The following RALYL variants were observed in gnomAD, a reference collection of about 807,000 sequenced individuals.
RALYL encodes the protein RALY RNA binding protein like.
Under a neutral mutation model 35.1 loss-of-function variants are expected in RALYL, and 29 were observed. The observed-to-expected ratio is 0.83, with a 90% CI of 0.61 to 1.13. The LOEUF (loss-of-function observed/expected upper bound fraction) is 1.13. RALYL is among the 50% of genes most tolerant of loss of function. The pLI is 0.00. For missense variants in RALYL, 359 were observed against 360.4 expected, an observed-to-expected ratio of 1.00 and a Z score of 0.03; for synonymous variants, 120 against 127.6, an observed-to-expected ratio of 0.94 and a Z score of 0.40.
chr8:84,287,541 G>A (rs1837886236), intron 1 of RALYL, among the ~76,000 whole-genome samples: 2 of 152,114 alleles, frequency 1.3e-5, no homozygotes, highest in Non-Finnish European at 2.9e-5. Context: ...TTTGTTACAT[G>A]AGAATCGAAA....
chr8:84,215,538 G>GT (rs35692746), intron 1 of RALYL, among the ~76,000 whole-genome samples: 49 of 146,908 alleles, frequency 3.3e-4, no homozygotes, highest in South Asian at 1.3e-3. Flanking sequence ...TATGCATAAG[G>GT]TTTTTTTTTT....
chr8:84,371,576 AAGAG>A (rs1389244022), intron 1 of RALYL, among the ~76,000 whole-genome samples: 3 of 137,178 alleles, frequency 2.2e-5, no homozygotes, highest in Non-Finnish European at 3.1e-5. Flanking sequence ...CACACACAGA[AAGAG>A]AGAGAGAGAG....
chr8:84,292,599 G>T (rs1838974680), intron 1 of RALYL, among the ~76,000 whole-genome samples: 2 of 152,116 alleles, frequency 1.3e-5, no homozygotes, highest in Admixed American at 1.3e-4. Context: ...ACAAGTTGCA[G>T]TAAAGAAGCT....
intron 1 of RALYL, among the ~76,000 whole-genome samples, chr8:84,262,294 GTGTT>G (rs1227406193): frequency 5.3e-5 from 8 of 152,070 alleles, no homozygotes; most frequent in Admixed American, 3.3e-4. Context: ...ATGCATAAGA[GTGTT>G]TGTTCTGATT....
chr8:84,713,785 A>G (rs1005889010), intron 2 of RALYL, among the ~76,000 whole-genome samples: 1 of 151,724 alleles, frequency 6.6e-6, no homozygotes, highest in Non-Finnish European at 1.5e-5. Context: ...CTCTACTTCC[A>G]TTTTTATAGC....
intron 1 of RALYL, among the ~76,000 whole-genome samples, chr8:84,513,456 A>G (rs1396362953): frequency 2.0e-5 from 3 of 152,114 alleles, no homozygotes; most frequent in Non-Finnish European, 4.4e-5. Flanking sequence ...AAAATTATTT[A>G]AGAAAAAGCC....
At chr8:84,808,477 G>T (rs555487591) in intron 4 of RALYL, among the ~76,000 whole-genome samples, 2 of 152,094 alleles carry the variant, frequency 1.3e-5, no homozygotes, top group African/African-American at 2.4e-5. Flanking sequence ...GTCTTGTTTT[G>T]GCTATACGGG....
chr8:84,751,619 T>C (rs1036124227), intron 2 of RALYL, among the ~76,000 whole-genome samples: 4 of 151,738 alleles, frequency 2.6e-5, no homozygotes, highest in Non-Finnish European at 1.5e-5. Context: ...TGGTGGGAGG[T>C]GACTGGATCA....
intron 1 of RALYL, among the ~76,000 whole-genome samples, chr8:84,188,363 A>G (rs1339765476): frequency 6.6e-6 from 1 of 152,116 alleles, no homozygotes; most frequent in African/African-American, 2.4e-5. Context: ...ATGGACTTCC[A>G]GAAAGTAAAT....
chr8:84,351,781 C>T (rs1420111019), intron 1 of RALYL, among the ~76,000 whole-genome samples: 1 of 150,282 alleles, frequency 6.7e-6, no homozygotes, highest in Non-Finnish European at 1.5e-5. Context: ...ATATAAAGTA[C>T]TTGATGCTAC....
intron 2 of RALYL, among the ~76,000 whole-genome samples, chr8:84,668,985 CCATCCATCCATT>C (rs1173516302): frequency 6.6e-6 from 1 of 152,000 alleles, no homozygotes. Flanking sequence ...ATCCATCCAT[CCATCCATCCATT>C]TATTCATTCA....
intron 5 of RALYL, among the ~76,000 whole-genome samples, chr8:84,862,012 A>G (rs779909264): frequency 6.6e-6 from 1 of 152,248 alleles, no homozygotes; most frequent in African/African-American, 2.4e-5. Flanking sequence ...AACAAATTGC[A>G]TGGTACTGTT....
chr8:84,295,625 A>G (rs1839613611), intron 1 of RALYL, among the ~76,000 whole-genome samples: 1 of 152,214 alleles, frequency 6.6e-6, no homozygotes, highest in East Asian at 1.9e-4. Context: ...TTTTCAGTAT[A>G]TAGACCAACT....
intron 1 of RALYL, among the ~76,000 whole-genome samples, chr8:84,307,312 A>G (rs73296743): frequency 0.068 from 10,298 of 152,206 alleles, 455 homozygotes; most frequent in African/African-American, 0.093. Context: ...ATCTTGGCAG[A>G]TATATTTGCT....
chr8:84,492,989 G>C (rs1279451893), intron 1 of RALYL, among the ~76,000 whole-genome samples: 1 of 152,034 alleles, frequency 6.6e-6, no homozygotes, highest in East Asian at 1.9e-4. Flanking sequence ...TACCATGGTG[G>C]TTTGCTGCAC....
At chr8:84,885,208 A>C (rs1442833742) in intron 7 of RALYL, among the ~76,000 whole-genome samples, 1 of 152,130 alleles carries the variant, frequency 6.6e-6, no homozygotes, top group Non-Finnish European at 1.5e-5. Flanking sequence ...TAAAACCTAG[A>C]AATCTTCAGT....
At chr8:84,348,266 T>A (rs1459633671) in intron 1 of RALYL, among the ~76,000 whole-genome samples, 1 of 152,138 alleles carries the variant, frequency 6.6e-6, no homozygotes, top group Non-Finnish European at 1.5e-5. Flanking sequence ...AACTCACTAT[T>A]TGGTATCTTT....
intron 1 of RALYL, among the ~76,000 whole-genome samples, chr8:84,347,423 T>C (rs997252308): frequency 5.9e-5 from 9 of 152,068 alleles, no homozygotes; most frequent in Non-Finnish European, 1.3e-4. Context: ...TGTTTAGATT[T>C]CTCCGTCTTC....
intron 1 of RALYL, among the ~76,000 whole-genome samples, chr8:84,315,457 C>G (rs988061440): frequency 1.3e-5 from 2 of 152,020 alleles, no homozygotes; most frequent in African/African-American, 2.4e-5. Flanking sequence ...TATCTACATA[C>G]AAGAGACTGA....
Sources: allele counts gnomAD v4.1 joint callset (sites outside exome capture counted in the v4.1 genomes callset), GRCh38; gene constraint gnomAD v4.1.1; transcripts MANE v1.5; gene names NCBI Gene and HGNC (gene_info 2026-07-23, HGNC 2026-07-21).